The following MAX variants were observed in gnomAD, a reference collection of about 807,000 sequenced individuals.
MAX encodes the protein MYC associated transcriptional regulator X, also known as protein max.
In MAX, 3 loss-of-function variants were observed where a neutral mutation model predicts 22.3. The observed-to-expected ratio is 0.13, with a 90% CI of 0.06 to 0.35. The LOEUF is 0.35. Ranked by LOEUF, MAX falls within the 10% of genes least tolerant of loss-of-function variation. The pLI is 1.00. For missense variants in MAX, 119 were observed against 209.4 expected (o/e 0.57, Z 2.66); for synonymous variants, 72 against 77.7 (o/e 0.93, Z 0.39).
At chr14:65,059,837 C>CTTTTTTTTTT (rs34459085) in intron 3 of MAX, among the ~76,000 whole-genome samples, 2 of 134,242 alleles carry the variant, frequency 1.5e-5, no homozygotes, top group African/African-American at 5.6e-5. Context: ...GTCCTTTTTT[C>CTTTTTTTTTT]TTTTTTTTTT....
At chr14:65,037,737 ATTTATTATTTATTTATTTAT>A (rs1189852511) in intron 3 of MAX, among the ~76,000 whole-genome samples, 4 of 74,416 alleles carry the variant, frequency 5.4e-5, no homozygotes, top group African/African-American at 2.1e-4. Context: ...TTATTTATTT[ATTTATTATTTATTTATTTAT>A]TTATTTATTT....
Position 65,088,076 on chromosome 14 carries a change from T to G in MAX, c.171+5632A>C, listed in dbSNP as rs574253406. Among the ~76,000 whole-genome samples the G allele has an allele frequency of 6.6e-6, 1 of 152,310 alleles. No homozygotes were observed. The highest frequency in any genetic ancestry group is 2.4e-5 in the African/African-American group (1 of 41,570). ...TTGCTCCTCCTTGCCTTCGCCATGA[T>G]TGTGAGGCTTCCTTCCAGCCACGTG... On this transcript the variant is annotated intron_variant, in intron 3 of 4. Transcript: ENST00000358664. The surrounding 1 kb of genome is among the most constrained non-coding windows in gnomAD (Gnocchi z 5.2).
At position 65,076,484 on chromosome 14, in the gene MAX, C is replaced by T. The variant is rs779958074; in HGVS notation, c.475G>A (p.Ala159Thr). 6 of 1,613,230 alleles carry T rather than the reference C, an allele frequency of 3.7e-6. No homozygotes were observed. In the East Asian group the frequency reaches 1.3e-4, roughly 36 times the overall value. The change falls in exon 5 of 5, where the codon GCC becomes ACC. Residue 159 changes from alanine (A) to threonine (T), a missense_variant. Physicochemically the swap from Ala to Thr is moderately conservative, Grantham distance 58 (BLOSUM62 0). Coordinates refer to ENST00000358664, the MANE Select transcript of MAX (RefSeq NM_002382.5). This position sits in a 1 kb window ranked among gnomAD's most constrained non-coding sequence, Gnocchi z 6.6. ...GGCCTGCCCCGAGTGGCTTAGCTGG[C>T]CTCCATCCGGAGCTTCTTCCTGCTT... ...PQSRKKLRMEAS is the reference protein window; with the variant it reads ...PQSRKKLRMETS
intron 3 of MAX, among the ~76,000 whole-genome samples, chr14:65,026,723 G>A (rs1029260323): frequency 3.3e-5 from 5 of 152,180 alleles, no homozygotes; most frequent in Admixed American, 6.5e-5. Context: ...TTGGCTGGGC[G>A]TGATGGTGCA....
At position 65,030,592 on chromosome 14, in the gene MAX, A is replaced by T. The variant is rs2062061259; in HGVS notation, c.172-24308T>A. Among the ~76,000 whole-genome samples the T allele has an allele frequency of 6.6e-6, 1 of 152,058 alleles. No individual in the cohort carries two copies. Among genetic ancestry groups the T allele is most frequent in the South Asian group, 2.1e-4 (1 of 4,822 alleles). ...TGTCTCTACAAAAAATTTTTAAAAAATTAGCCAGGTGTGGTGGCATGCATC... is the reference window on the plus strand; with the variant it reads ...TGTCTCTACAAAAAATTTTTAAAAATTTAGCCAGGTGTGGTGGCATGCATC... On this transcript the variant is annotated intron_variant, in intron 3 of 3. Coordinates refer to the MAX transcript ENST00000341653. This position sits in a 1 kb window ranked among gnomAD's most constrained non-coding sequence, Gnocchi z 4.5.
chr14:65,087,344 T>C (rs1210715323), intron 3 of MAX, among the ~76,000 whole-genome samples: 1 of 152,308 alleles, frequency 6.6e-6, no homozygotes, highest in South Asian at 2.1e-4. Context: ...ATCCACTGAC[T>C]GACATCTTGC....
chr14:65,060,697 CAAAA>C (rs59036615), intron 3 of MAX, among the ~76,000 whole-genome samples: 6 of 48,606 alleles, frequency 1.2e-4, no homozygotes, highest in Middle Eastern at 0.011. Flanking sequence ...GACTCCGTCT[CAAAA>C]AAAAAAAAAA....
At chr14:65,041,224 T>C (rs968250833) in intron 3 of MAX, among the ~76,000 whole-genome samples, 1 of 152,256 alleles carries the variant, frequency 6.6e-6, no homozygotes, top group Non-Finnish European at 1.5e-5. Context: ...TCGTGTGTTA[T>C]AGAAAGAACC....
chr14:65,089,065 AACAGAGCAAGACCCTCAAGGGTAG>A (rs1300607999), intron 3 of MAX, among the ~76,000 whole-genome samples: 1 of 152,212 alleles, frequency 6.6e-6, no homozygotes, highest in African/African-American at 2.4e-5. Flanking sequence ...CTTTCCCAAC[AACAGAGCAAGACCCTCAAGGGTAG>A]ACACCATCTA....
intron 3 of MAX, among the ~76,000 whole-genome samples, chr14:65,017,293 A>G (rs1354554781): frequency 6.6e-6 from 1 of 152,108 alleles, no homozygotes; most frequent in Non-Finnish European, 1.5e-5. Flanking sequence ...ACTCCTACAC[A>G]ATCAGGATAT....
In MAX at chr14:65,044,760, G is replaced by A. The variant is rs1469607112; in HGVS notation, c.172-38476C>T. The A allele has an allele frequency of 9.3e-6, 3 of 322,380 alleles. No homozygotes were observed. The highest frequency in any genetic ancestry group is 1.7e-5 in the Non-Finnish European group (3 of 176,218). 20.0% of individuals were successfully genotyped at this position (322,380 alleles called of 1,614,324 possible). A position where few individuals can be genotyped will look rare whatever the true frequency, so the allele number is the denominator to read the frequency against. ...AAGGAGCAGCCCACTCCTGTCCTGG[G>A]CTCTGTGGTGATTGCCACCTCCTCT... On this transcript the variant is annotated intron_variant, in intron 3 of 3. Coordinates refer to the MAX transcript ENST00000341653. The surrounding 1 kb of genome is among the most constrained non-coding windows in gnomAD (Gnocchi z 5.5).
intron 3 of MAX, among the ~76,000 whole-genome samples, chr14:65,086,390 A>T (rs2063334915): frequency 6.6e-6 from 1 of 152,220 alleles, no homozygotes; most frequent in Admixed American, 6.5e-5. Context: ...AAAATGTGGG[A>T]AAGTTTCAAA....
At chr14:65,085,755 G>A (rs764402825) in intron 3 of MAX, among the ~76,000 whole-genome samples, 2 of 152,218 alleles carry the variant, frequency 1.3e-5, no homozygotes, top group African/African-American at 4.8e-5. Context: ...AGGACAGGCT[G>A]CAGGTAGGCC....
At chr14:65,074,980 T>C (rs563134823), downstream of MAX, 4 of 781,916 alleles carry the variant, frequency 5.1e-6, no homozygotes, top group South Asian at 5.9e-5. Context: ...GAAGCAACTC[T>C]GGCTTATGGC....
At chr14:65,064,210 T>C (rs2062908416) in intron 3 of MAX, among the ~76,000 whole-genome samples, 1 of 152,232 alleles carries the variant, frequency 6.6e-6, no homozygotes, top group East Asian at 1.9e-4. Flanking sequence ...GTAATATTAG[T>C]GTCAAGTGAC....
At position 65,030,053 on chromosome 14, in the gene MAX, C is replaced by T. The variant is rs2062049996; in HGVS notation, c.172-23769G>A. On this transcript the variant is annotated intron_variant, in intron 3 of 3. Transcript: ENST00000341653. The surrounding 1 kb of genome is among the most constrained non-coding windows in gnomAD (Gnocchi z 4.5). Reference sequence around the variant, plus strand: ...TACATGAAAAGGTTGTATTACGTTTCCTCCCCATCTCAGCGTGAGACCTGG... The same window carrying T: ...TACATGAAAAGGTTGTATTACGTTTTCTCCCCATCTCAGCGTGAGACCTGG... Among the ~76,000 whole-genome samples the T allele has an allele frequency of 6.6e-6, 1 of 152,116 alleles. No homozygotes were observed. Among genetic ancestry groups the T allele is most frequent in the Admixed American group, 6.5e-5 (1 of 15,278 alleles).
Position 65,027,188 on chromosome 14 carries a change from G to A in MAX, c.172-20904C>T, listed in dbSNP as rs1276052765. ...TCTTACCCCATAGCTACGAAAGTCG[G>A]TTTCTTCCCAGCCTTGTGTTCCCTG... is the stretch of plus-strand genomic sequence containing the variant. On this transcript the variant is annotated intron_variant, in intron 3 of 3. Coordinates refer to the MAX transcript ENST00000341653. The surrounding 1 kb of genome is among the most constrained non-coding windows in gnomAD (Gnocchi z 5.7). Among the ~76,000 whole-genome samples, 1 of 152,214 alleles carries A rather than the reference G, an allele frequency of 6.6e-6. No individual in the cohort carries two copies. The highest frequency in any genetic ancestry group is 1.9e-4 in the East Asian group (1 of 5,198).
In MAX at chr14:65,030,380, T is replaced by G. The variant is rs1447630274; in HGVS notation, c.172-24096A>C. On this transcript the variant is annotated intron_variant, in intron 3 of 3. Coordinates refer to the MAX transcript ENST00000341653. The surrounding 1 kb of genome is among the most constrained non-coding windows in gnomAD (Gnocchi z 4.5). ...TGGTAGGATCATAATGCATGCAGCT[T>G]CTGCAGAGACTTCTTTGGAATACCT... is the stretch of plus-strand genomic sequence containing the variant. Among the ~76,000 whole-genome samples, 2 of 152,236 alleles carry G rather than the reference T, an allele frequency of 1.3e-5. No homozygotes were observed. Among genetic ancestry groups the G allele is most frequent in the African/African-American group, 4.8e-5 (2 of 41,452 alleles).
intron 3 of MAX, among the ~76,000 whole-genome samples, chr14:65,042,315 C>G (rs1477762309): frequency 6.6e-6 from 1 of 152,118 alleles, no homozygotes; most frequent in African/African-American, 2.4e-5. Context: ...AATGTAGAAT[C>G]AGTGAGAGCC....
Sources: allele counts gnomAD v4.1 joint callset (sites outside exome capture counted in the v4.1 genomes callset), GRCh38; gene constraint gnomAD v4.1.1; non-coding constraint Gnocchi (gnomAD v3.1); transcripts MANE v1.5; gene names NCBI Gene and HGNC (gene_info 2026-07-23, HGNC 2026-07-21).